FMO1: variants seen among roughly 807,000 people sequenced by gnomAD.
FMO1 encodes the protein flavin containing dimethylaniline monoxygenase 1, also known as flavin-containing monooxygenase 1.
In FMO1, 36 loss-of-function variants were observed where a neutral mutation model predicts 45.4. That is an observed-to-expected ratio of 0.79 (90% CI 0.61 to 1.05). FMO1 has a LOEUF of 1.05. Ranked by LOEUF, FMO1 falls within the 50% of genes least tolerant of loss-of-function variation. The probability of loss-of-function intolerance (pLI) is 0.00; values close to 1 mark genes in which losing one functional copy is unlikely to be tolerated. For missense variants in FMO1, 615 were observed against 640.3 expected (o/e 0.96, Z 0.43); for synonymous variants, 228 against 227.2 (o/e 1.00, Z -0.03).
At chr1:171,267,004 C>G (rs1660642290) in intron 2 of FMO1, among the ~76,000 whole-genome samples, 1 of 152,182 alleles carries the variant, frequency 6.6e-6, no homozygotes, top group South Asian at 2.1e-4. Flanking sequence ...TCTCTCAACC[C>G]CTAAATCTAA....
intron 3 of FMO1, 126 bp downstream of exon 3, chr1:171,267,857 T>C: frequency 3.0e-6 from 2 of 655,746 alleles, no homozygotes; most frequent in South Asian, 4.1e-5. Context: ...CACCTGGCTG[T>C]ATTTATTTTC....
chr1:171,264,663 G>A (rs1354759544), intron 2 of FMO1, among the ~76,000 whole-genome samples: 7 of 152,092 alleles, frequency 4.6e-5, no homozygotes, highest in Non-Finnish European at 7.4e-5. Context: ...GCCGAGAAGG[G>A]CGGATCACGA....
chr1:171,250,187 T>C (rs1659821960), intron 1 of FMO1, among the ~76,000 whole-genome samples: 1 of 152,254 alleles, frequency 6.6e-6, no homozygotes, highest in Admixed American at 6.5e-5. Flanking sequence ...ATGTGCCTGC[T>C]GAGCACTGCA....
intron 1 of FMO1, among the ~76,000 whole-genome samples, chr1:171,252,393 T>G (rs1444742149): frequency 6.6e-6 from 1 of 152,152 alleles, no homozygotes; most frequent in African/African-American, 2.4e-5. Context: ...CCTATTGGCA[T>G]CCTCTCCCCC....
chr1:171,278,799 G>A lies in FMO1; in HGVS notation c.555G>A (p.Lys185=). Residue 185 remains lysine, a synonymous_variant, in exon 5 of 9, where the codon AAG becomes AAA. Coordinates refer to ENST00000617670, the MANE Select transcript of FMO1 (RefSeq NM_001282693.2). Reference sequence around the variant, plus strand: ...AGCATCCAGATATATTTAAGGACAAGAGAGTCCTTGTGATTGGAATGGGAA... The same window carrying A: ...AGCATCCAGATATATTTAAGGACAAAAGAGTCCTTGTGATTGGAATGGGAA... ...QYKHPDIFKD[K]RVLVIGMGNS... 6.2e-7 allele frequency: 1 copy of A among 1,612,110 alleles called. No individual in the cohort carries two copies. The highest frequency in any genetic ancestry group is 1.3e-5 in the African/African-American group (1 of 74,984).
intron 1 of FMO1, among the ~76,000 whole-genome samples, chr1:171,250,803 AT>A (rs1659852763): frequency 6.6e-6 from 1 of 151,922 alleles, no homozygotes; most frequent in South Asian, 2.1e-4. Context: ...TTTATTTTAT[AT>A]TTAGTCAGCT....
Position 171,282,129 on chromosome 1 carries a change from T to C in FMO1, c.979T>C (p.Phe327Leu), listed in dbSNP as rs28360420. 1.3e-3 allele frequency: 2,018 copies of C among 1,614,036 alleles called. 27 individuals carry two copies. The African/African-American group carries it at 0.021, about 16-fold the overall frequency. ...SKEEPIDIIV[F>L]ATGYTFAFPF... ...GGAAGAGCCTATTGACATCATTGTC[T>C]TTGCCACTGGATACACATTTGCTTT... is the stretch of plus-strand genomic sequence containing the variant. Residue 327 changes from phenylalanine (F) to leucine (L), a missense_variant, in exon 7 of 9, where the codon TTT (phenylalanine) becomes CTT (leucine). Physicochemically the swap from Phe to Leu is conservative, Grantham distance 22. Coordinates refer to ENST00000617670, the MANE Select transcript of FMO1 (RefSeq NM_001282693.2).
At chr1:171,268,588 G>C (rs28360386) in intron 3 of FMO1, among the ~76,000 whole-genome samples, 4,312 of 152,210 alleles carry the variant, frequency 0.028, 202 homozygotes, top group African/African-American at 0.096. Flanking sequence ...AGGGACAAAT[G>C]AATAATATAT....
rs1182240081 is a variant in FMO1 at position 171,258,229 on chromosome 1, G to T, written c.132+10G>T. 33 of 1,613,658 alleles carry T rather than the reference G, an allele frequency of 2.0e-5. No homozygotes were observed. The highest frequency in any genetic ancestry group is 2.7e-5 in the Non-Finnish European group (32 of 1,179,798). The stretch of plus-strand genomic sequence containing the variant: ...GCTGTGGAGATTCACCGTAAGTGGG[G>T]TTTCAACAACTTTATCTGTCTATTG... On this transcript the variant is annotated intron_variant, in intron 2 of 8. Transcript: ENST00000617670.
chr1:171,250,691 T>C (rs1042466367), intron 1 of FMO1, among the ~76,000 whole-genome samples: 1 of 152,226 alleles, frequency 6.6e-6, no homozygotes, highest in African/African-American at 2.4e-5. Context: ...CATTTAGTAA[T>C]TTTATGTTGC....
Position 171,282,031 on chromosome 1 carries a change from C to G in FMO1, c.881C>G (p.Thr294Ser). ...GATGAGCTCCCAGGACGCATCATCA[C>G]TGGGAAAGTGTTCATCAGGCCAAGC... The part of the protein sequence containing the change: ...LNDELPGRII[T>S]GKVFIRPSIK... Residue 294 changes from threonine to serine, a missense_variant, in exon 7 of 9, where the codon ACT becomes AGT. Coordinates refer to ENST00000617670, the MANE Select transcript of FMO1 (RefSeq NM_001282693.2). 6.2e-6 allele frequency: 10 copies of G among 1,613,462 alleles called. No homozygotes were observed. The highest frequency in any genetic ancestry group is 8.5e-6 in the Non-Finnish European group (10 of 1,179,830).
chr1:171,266,812 C>T (rs769216233), intron 2 of FMO1, among the ~76,000 whole-genome samples: 1 of 152,174 alleles, frequency 6.6e-6, no homozygotes, highest in Non-Finnish European at 1.5e-5. Flanking sequence ...CTCCATACTA[C>T]TCCCCAAAAG....
Position 171,284,174 on chromosome 1 carries a change from C to CAA in FMO1, c.1256+970_1256+971dup, listed in dbSNP as rs200976510. Reference sequence around the variant, plus strand: ...TTCACTTGAAATAAAGGTTCTGTGGCAAAAAAAAAAAAACAAAAAACAGCA... The same window carrying CAA: ...TTCACTTGAAATAAAGGTTCTGTGGCAAAAAAAAAAAAAAACAAAAAACAGCA... On this transcript the variant is annotated intron_variant, in intron 8 of 8. Transcript: ENST00000617670. Among the ~76,000 whole-genome samples, 632 of 114,286 alleles carry CAA rather than the reference C, an allele frequency of 5.5e-3. 4 individuals are homozygous for CAA. Among genetic ancestry groups the CAA allele is most frequent in the South Asian group, 0.012 (44 of 3,622 alleles). 75.0% of individuals were successfully genotyped at this position (114,286 alleles called of 152,430 possible).
At chr1:171,279,400 A>G (rs902867515) in intron 5 of FMO1, among the ~76,000 whole-genome samples, 1 of 152,172 alleles carries the variant, frequency 6.6e-6, no homozygotes, top group Admixed American at 6.6e-5. Flanking sequence ...AAAACAAGCC[A>G]CTGAAGTAGG....
In FMO1 at chr1:171,284,821, A is replaced by G. The variant is rs529033620; in HGVS notation, c.1257-381A>G. Reference sequence around the variant, plus strand: ...TAATACCAGCATTTCAGGGAATTTTACCCTATAGATTTTTGTGGCTTTTCA... The same window carrying G: ...TAATACCAGCATTTCAGGGAATTTTGCCCTATAGATTTTTGTGGCTTTTCA... On this transcript the variant is annotated intron_variant, in intron 8 of 8. Coordinates refer to ENST00000617670, the MANE Select transcript of FMO1 (RefSeq NM_001282693.2). Among the ~76,000 whole-genome samples, 3 of 152,116 alleles carry G rather than the reference A, an allele frequency of 2.0e-5. No individual in the cohort carries two copies. The East Asian group carries it at 5.8e-4, about 29-fold the overall frequency.
At chr1:171,262,915 TA>T (rs1267756710) in intron 2 of FMO1, among the ~76,000 whole-genome samples, 1 of 151,998 alleles carries the variant, frequency 6.6e-6, no homozygotes, top group Non-Finnish European at 1.5e-5. Context: ...GGCAACAAAG[TA>T]AAATGGGTGC....
chr1:171,276,440 A>G (rs12062692), intron 4 of FMO1, among the ~76,000 whole-genome samples: 36,441 of 152,130 alleles, frequency 0.24, 6,855 homozygotes, highest in African/African-American at 0.52. Flanking sequence ...TCTTGAACCC[A>G]TTCAACAATG....
Position 171,280,847 on chromosome 1 carries a change from C to A in FMO1, c.689C>A (p.Pro230Gln), listed in dbSNP as rs1661321322. 7 of 1,613,872 alleles carry A rather than the reference C, an allele frequency of 4.3e-6. No individual in the cohort carries two copies. The highest frequency in any genetic ancestry group is 5.9e-6 in the Non-Finnish European group (7 of 1,179,864). ...VISRIFDSGYPWDMVFMTRFQ... is the reference protein window; with the variant it reads ...VISRIFDSGYQWDMVFMTRFQ... ...AGCCGAATCTTTGACTCGGGCTACC[C>A]ATGGGACATGGTGTTCATGACACGC... The change falls in exon 6 of 9, where the codon CCA (proline) becomes CAA (glutamine). Residue 230 changes from proline to glutamine, a missense_variant. Coordinates refer to ENST00000617670, the MANE Select transcript of FMO1 (RefSeq NM_001282693.2).
At chr1:171,275,745 A>G (rs1044985978) in intron 4 of FMO1, among the ~76,000 whole-genome samples, 1 of 152,064 alleles carries the variant, frequency 6.6e-6, no homozygotes, top group Non-Finnish European at 1.5e-5. Context: ...TAACTTTATA[A>G]GTATTTTTAT....
Sources: gnomAD v4.1 joint callset for allele counts (sites outside exome capture counted in the v4.1 genomes callset) on GRCh38, gnomAD v4.1.1 for gene constraint, MANE v1.5 for transcripts, NCBI Gene and HGNC (gene_info 2026-07-23, HGNC 2026-07-21) for gene names.